The following LRRTM3 variants were observed in gnomAD, a reference collection of about 807,000 sequenced individuals.
The protein encoded by LRRTM3 is leucine-rich repeat transmembrane neuronal protein 3.
LRRTM3 carries 24 observed loss-of-function variants against 44.7 expected under a neutral mutation model. That is an observed-to-expected ratio of 0.54 (90% CI 0.39 to 0.76). The LOEUF is 0.76. Among genes scored for constraint, LRRTM3 ranks in the 30% least tolerant of loss-of-function variants. The probability of loss-of-function intolerance (pLI) is 0.00; values close to 1 mark genes in which losing one functional copy is unlikely to be tolerated. For synonymous variants in LRRTM3, 277 were observed against 278.7 expected, an observed-to-expected ratio of 0.99 and a Z score of 0.06; for missense variants, 587 against 702.2, an observed-to-expected ratio of 0.84 and a Z score of 1.85.
At chr10:67,026,948 C>T (rs1270118149) in intron 2 of LRRTM3, among the ~76,000 whole-genome samples, 3 of 152,190 alleles carry the variant, frequency 2.0e-5, no homozygotes, top group Admixed American at 2.0e-4. Flanking sequence ...ATCATGCCTT[C>T]TTTATTCTGT....
At chr10:67,012,154 G>C (rs766265068) in intron 2 of LRRTM3, 1 of 152,162 alleles carries the variant, frequency 6.6e-6, no homozygotes, top group Admixed American at 6.5e-5. Flanking sequence ...GCACTGTACT[G>C]ACAGAAGGGG....
chr10:66,979,672 T>C (rs934900600), intron 2 of LRRTM3, among the ~76,000 whole-genome samples: 1 of 152,148 alleles, frequency 6.6e-6, no homozygotes, highest in East Asian at 1.9e-4. Context: ...TGGGGATGAA[T>C]AGGATTATAT....
intron 2 of LRRTM3, among the ~76,000 whole-genome samples, chr10:67,072,307 C>T (rs1179630591): frequency 6.6e-6 from 1 of 152,230 alleles, no homozygotes; most frequent in East Asian, 1.9e-4. Flanking sequence ...TCTTTTCCTT[C>T]ACTTTTTTTA....
intron 2 of LRRTM3, among the ~76,000 whole-genome samples, chr10:67,020,617 T>C (rs1484850067): frequency 6.6e-6 from 1 of 152,218 alleles, no homozygotes; most frequent in African/African-American, 2.4e-5. Context: ...AATCAAAGAT[T>C]GCTTAAGGAC....
chr10:66,948,495 C>T (rs529908981), intron 2 of LRRTM3, among the ~76,000 whole-genome samples: 6 of 152,152 alleles, frequency 3.9e-5, no homozygotes, highest in East Asian at 1.9e-4. Context: ...GACAACTGAC[C>T]GATTCTTATT....
At chr10:67,051,684 G>C (rs1478044092) in intron 2 of LRRTM3, among the ~76,000 whole-genome samples, 1 of 151,616 alleles carries the variant, frequency 6.6e-6, no homozygotes, top group African/African-American at 2.4e-5. Context: ...GATTACAGGC[G>C]TGAGCCACTG....
intron 2 of LRRTM3, among the ~76,000 whole-genome samples, chr10:66,969,045 A>G (rs1001703264): frequency 6.6e-6 from 1 of 151,926 alleles, no homozygotes; most frequent in Non-Finnish European, 1.5e-5. Flanking sequence ...AACAAATATT[A>G]TATGTAAATA....
chr10:67,066,663 T>A (rs1726936405), intron 2 of LRRTM3, among the ~76,000 whole-genome samples: 1 of 152,098 alleles, frequency 6.6e-6, no homozygotes, highest in African/African-American at 2.4e-5. Flanking sequence ...CTAATGTGAC[T>A]TTCTCATCTT....
chr10:66,930,705 C>T (rs1225251923), intron 2 of LRRTM3, among the ~76,000 whole-genome samples: 1 of 152,044 alleles, frequency 6.6e-6, no homozygotes, highest in East Asian at 1.9e-4. Context: ...TCCTAAAATT[C>T]AAAGCTACTT....
At chr10:66,998,362 G>GCATA (rs1851476108) in intron 2 of LRRTM3, among the ~76,000 whole-genome samples, 1 of 152,106 alleles carries the variant, frequency 6.6e-6, no homozygotes, top group African/African-American at 2.4e-5. Context: ...AGCACAAGAA[G>GCATA]CATAGTTAAT....
chr10:66,967,724 T>G (rs17297362), intron 2 of LRRTM3, among the ~76,000 whole-genome samples: 35,172 of 151,956 alleles, frequency 0.23, 4,633 homozygotes, highest in Non-Finnish European at 0.31. Context: ...AATTCTGAGG[T>G]GTGAAACATA....
At chr10:67,071,330 G>GTT (rs10688142) in intron 2 of LRRTM3, among the ~76,000 whole-genome samples, 72,132 of 140,096 alleles carry the variant, frequency 0.51, 18,781 homozygotes, top group Middle Eastern at 0.64. Flanking sequence ...TGTATTTTGG[G>GTT]TTTTTTTTTT....
At chr10:67,010,265 T>C (rs1173874381) in intron 2 of LRRTM3, among the ~76,000 whole-genome samples, 2 of 152,232 alleles carry the variant, frequency 1.3e-5, no homozygotes, top group Non-Finnish European at 2.9e-5. Context: ...CATAATTGTA[T>C]GTAGGCAAAT....
intron 2 of LRRTM3, among the ~76,000 whole-genome samples, chr10:67,041,712 A>C (rs1479254993): frequency 6.6e-6 from 1 of 152,144 alleles, no homozygotes; most frequent in African/African-American, 2.4e-5. Flanking sequence ...ACTCAATAAA[A>C]TTGAGTTCTT....
Position 67,055,840 on chromosome 10 carries a change from A to G in LRRTM3, c.1537-41747A>G, listed in dbSNP as rs189372388. On this transcript the variant is annotated intron_variant, in intron 2 of 2. Transcript: ENST00000361320. ...CCCAACAACCTCCATATCCCTAATG[A>G]TAAGTTGCCACTGTAAATGGCTGTT... 1.2e-3 allele frequency among the ~76,000 whole-genome samples: 177 copies of G among 152,278 alleles called. 1 individual carries two copies. The highest frequency in any genetic ancestry group is 4.1e-3 in the African/African-American group (169 of 41,562).
chr10:66,958,317 A>C (rs1464354599), intron 2 of LRRTM3, among the ~76,000 whole-genome samples: 2 of 97,124 alleles, frequency 2.1e-5, no homozygotes, highest in Non-Finnish European at 4.5e-5. Flanking sequence ...GCAAAAAAAA[A>C]AAAAAAAAAA....
At chr10:67,022,795 G>A (rs1190454167) in intron 2 of LRRTM3, among the ~76,000 whole-genome samples, 9 of 152,034 alleles carry the variant, frequency 5.9e-5, no homozygotes, top group East Asian at 1.9e-4. Flanking sequence ...AAAATTAGCC[G>A]GGCGTGGTGG....
rs1272733690 is a variant in LRRTM3, at chr10:67,024,487, A to T, written c.1537-73100A>T. On this transcript the variant is annotated intron_variant, in intron 2 of 2. Coordinates refer to ENST00000361320, the MANE Select transcript of LRRTM3 (RefSeq NM_178011.5). ...ATAGTTGCAGGTTCTGGTGATTAGGAAGTAAACATCTTTGGTGGGTGGAGG... is the reference window on the plus strand; with the variant it reads ...ATAGTTGCAGGTTCTGGTGATTAGGTAGTAAACATCTTTGGTGGGTGGAGG... 3.3e-5 allele frequency among the ~76,000 whole-genome samples: 5 copies of T among 152,212 alleles called. No homozygotes were observed. In the East Asian group the frequency reaches 7.7e-4, roughly 23 times the overall value.
chr10:67,084,765 G>C (rs1037457709), intron 2 of LRRTM3, among the ~76,000 whole-genome samples: 5 of 151,834 alleles, frequency 3.3e-5, no homozygotes, highest in Admixed American at 3.3e-4. Context: ...CATAGAGAAG[G>C]CTGTATCGCA....
Sources: gnomAD v4.1 joint callset for allele counts (sites outside exome capture counted in the v4.1 genomes callset) on GRCh38, gnomAD v4.1.1 for gene constraint, MANE v1.5 for transcripts, NCBI Gene and HGNC (gene_info 2026-07-23, HGNC 2026-07-21) for gene names.